URI1: variants seen among roughly 807,000 people sequenced by gnomAD.
URI1 encodes the protein URI1 prefoldin like chaperone.
URI1 carries 39 observed loss-of-function variants against 60.2 expected under a neutral mutation model. The observed-to-expected ratio is 0.65, with a 90% CI of 0.50 to 0.85. The LOEUF (loss-of-function observed/expected upper bound fraction) is 0.85. Among genes scored for constraint, URI1 ranks in the 40% least tolerant of loss-of-function variants. The pLI, the probability that URI1 is intolerant of heterozygous loss-of-function variation, is 0.00. For missense variants in URI1, 691 were observed against 665.9 expected, an observed-to-expected ratio of 1.04 and a Z score of -0.42; for synonymous variants, 251 against 236.8, an observed-to-expected ratio of 1.06 and a Z score of -0.55.
At chr19:29,928,460 T>G (rs941545205) in intron 1 of URI1, among the ~76,000 whole-genome samples, 1 of 152,136 alleles carries the variant, frequency 6.6e-6, no homozygotes, top group Admixed American at 6.5e-5. Flanking sequence ...ACCACCTCCC[T>G]TCACTCAGCT....
chr19:30,007,825 G>T (rs2055964407), intron 7 of URI1, among the ~76,000 whole-genome samples, 187 bp downstream of exon 7: 1 of 152,042 alleles, frequency 6.6e-6, no homozygotes, highest in South Asian at 2.1e-4. Flanking sequence ...TTATAGGATT[G>T]TGTGTTTGTG....
Position 29,957,764 on chromosome 19 carries a change from A to G in URI1, c.118-13429A>G, listed in dbSNP as rs142731064. Among the ~76,000 whole-genome samples, 705 of 152,292 alleles carry G rather than the reference A, an allele frequency of 4.6e-3. 3 individuals are homozygous for G. Among genetic ancestry groups the G allele is most frequent in the African/African-American group, 0.016 (671 of 41,546 alleles). On this transcript the variant is annotated intron_variant, in intron 1 of 10. Transcript: ENST00000392271. ...ATATTAAGTTTTAAAATCTATGAAC[A>G]TGGTATATCAATTTATTTACTTCTA...
At chr19:29,961,675 GTTT>G (rs200425572) in intron 1 of URI1, among the ~76,000 whole-genome samples, 2 of 117,610 alleles carry the variant, frequency 1.7e-5, no homozygotes, top group African/African-American at 3.1e-5. Context: ...TTTTTTTTTT[GTTT>G]TTTTTTTTTT....
chr19:29,991,628 C>G (rs1312511005), intron 4 of URI1, among the ~76,000 whole-genome samples: 7 of 151,988 alleles, frequency 4.6e-5, no homozygotes. Context: ...CTAGGACTTG[C>G]AGTATAATAT....
At chr19:29,997,889 C>T (rs1447023970) in intron 4 of URI1, among the ~76,000 whole-genome samples, 1 of 152,064 alleles carries the variant, frequency 6.6e-6, no homozygotes, top group Non-Finnish European at 1.5e-5. Context: ...CTCAGCCTCC[C>T]TAGTAGTTGG....
At chr19:29,984,787 C>T (rs994123617) in intron 2 of URI1, among the ~76,000 whole-genome samples, 8 of 152,004 alleles carry the variant, frequency 5.3e-5, no homozygotes, top group Non-Finnish European at 1.2e-4. Context: ...GGATTACAGG[C>T]GTGAGCCACC....
chr19:29,995,283 G>A (rs1020719694), intron 4 of URI1, among the ~76,000 whole-genome samples: 3 of 152,058 alleles, frequency 2.0e-5, no homozygotes, highest in Non-Finnish European at 2.9e-5. Context: ...TTGAAGTGAA[G>A]TATCAGCAGG....
chr19:29,946,091 A>G (rs952969022), intron 1 of URI1, among the ~76,000 whole-genome samples: 1 of 152,052 alleles, frequency 6.6e-6, no homozygotes, highest in African/African-American at 2.4e-5. Context: ...GTTTTATTTA[A>G]TCTTCATTTG....
chr19:30,007,374 A>G (rs1396475684), intron 6 of URI1, 96 bp from the exon 7 acceptor site: 1 of 1,380,512 alleles, frequency 7.2e-7, no homozygotes, highest in Non-Finnish European at 9.8e-7. Flanking sequence ...CTGTTTCAAT[A>G]TTTCCCTTGC....
rs1478342419 is a variant in URI1, at chr19:30,005,413, C to T, written c.420C>T (p.Ser140=). ...DLKKVMKNFE[S]RVEFTEDLQK... is the part of the protein sequence containing the mutation. ...AAAAAGTGATGAAAAATTTTGAATCCAGAGTTGAATTCACAGAAGATTTGC... is the reference window on the plus strand; with the variant it reads ...AAAAAGTGATGAAAAATTTTGAATCTAGAGTTGAATTCACAGAAGATTTGC... The change falls in exon 5 of 11, where the codon TCC becomes TCT. Residue 140 remains serine, a synonymous_variant. Coordinates refer to ENST00000392271, the MANE Select transcript of URI1 (RefSeq NM_003796.3). 5 of 1,600,930 alleles carry T rather than the reference C, an allele frequency of 3.1e-6. No individual in the cohort carries two copies. In the African/African-American group the frequency reaches 6.8e-5, roughly 22 times the overall value.
intron 1 of URI1, among the ~76,000 whole-genome samples, chr19:29,926,605 C>T (rs1015236148): frequency 1.3e-5 from 2 of 152,178 alleles, no homozygotes; most frequent in Non-Finnish European, 2.9e-5. Context: ...GTTTCTTGAC[C>T]TGAGAGCTGG....
At chr19:29,933,356 T>C (rs757139083) in intron 1 of URI1, among the ~76,000 whole-genome samples, 1 of 152,246 alleles carries the variant, frequency 6.6e-6, no homozygotes, top group Non-Finnish European at 1.5e-5. Context: ...GTTTGTGTTT[T>C]TCTAAAAATT....
intron 1 of URI1, among the ~76,000 whole-genome samples, chr19:29,950,053 AT>A: frequency 6.6e-6 from 1 of 152,342 alleles, no homozygotes; most frequent in East Asian, 1.9e-4. Context: ...TTCAGAACTC[AT>A]TACTTGTAAG....
In URI1 at chr19:30,012,534, G is replaced by A. The variant is rs754376538; in HGVS notation, c.1425+3G>A. 3.0e-5 allele frequency: 48 copies of A among 1,612,260 alleles called. No homozygotes were observed. The highest frequency in any genetic ancestry group is 3.6e-5 in the Non-Finnish European group (43 of 1,179,422). ...TGCCCTTATCAGTAACACCTGAGGT[G>A]TGTGTGTGTATCTTTTAATTCTTTA... On this transcript the variant is annotated splice_donor_region_variant and intron_variant, in intron 10 of 10. Coordinates refer to ENST00000392271, the MANE Select transcript of URI1 (RefSeq NM_003796.3).
At chr19:29,931,893 T>C (rs2054920410) in intron 1 of URI1, among the ~76,000 whole-genome samples, 1 of 143,368 alleles carries the variant, frequency 7.0e-6, no homozygotes, top group Non-Finnish European at 1.5e-5. Context: ...CTTTGCTGAA[T>C]TTATTAGCTC....
At chr19:29,965,484 A>G (rs1473601833) in intron 1 of URI1, among the ~76,000 whole-genome samples, 1 of 152,226 alleles carries the variant, frequency 6.6e-6, no homozygotes, top group Non-Finnish European at 1.5e-5. Context: ...GTTATTCTTA[A>G]GTTTATGGCA....
At chr19:29,937,479 T>TA (rs2145208978), upstream of URI1, among the ~76,000 whole-genome samples, 1 of 152,356 alleles carries the variant, frequency 6.6e-6, no homozygotes, top group South Asian at 2.1e-4. Flanking sequence ...ATTATTGTAG[T>TA]AACTCTGAAA....
At chr19:29,986,228 G>A (rs902869931) in intron 3 of URI1, 54 bp from the exon 4 acceptor site, 5 of 1,471,198 alleles carry the variant, frequency 3.4e-6, no homozygotes, top group Non-Finnish European at 4.5e-6. Flanking sequence ...TTTATAAAAT[G>A]TACTTTTCAG....
rs2055043396 is a variant in URI1 at position 29,942,586 on chromosome 19, GC to G, written c.44del (p.Pro15LeufsTer40). 3.8e-6 allele frequency: 5 copies of G among 1,301,682 alleles called. No homozygotes were observed. Among genetic ancestry groups the G allele is most frequent in the South Asian group, 1.5e-5 (1 of 65,078 alleles). The allele number at this position is 1,301,682 out of a possible 1,614,324, so 80.6% of individuals were successfully genotyped here. On this transcript the variant is annotated frameshift_variant, in exon 1 of 11. Coordinates refer to ENST00000392271, the MANE Select transcript of URI1 (RefSeq NM_003796.3). LOFTEE classifies it high-confidence loss of function. ...PTVETPPDPS[P>X]PSAPAPALVP... ...CCGTGGAGACGCCCCCCGACCCCTCGCCCCCTTCGGCCCCGGCCCCTGCCCT... is the reference window on the plus strand; with the variant it reads ...CCGTGGAGACGCCCCCCGACCCCTCGCCCCTTCGGCCCCGGCCCCTGCCCT...
Sources: allele counts gnomAD v4.1 joint callset (sites outside exome capture counted in the v4.1 genomes callset), GRCh38; gene constraint gnomAD v4.1.1; transcripts MANE v1.5; gene names NCBI Gene and HGNC (gene_info 2026-07-23, HGNC 2026-07-21).